OXR1: variants seen among roughly 807,000 people sequenced by gnomAD.
The protein encoded by OXR1 is oxidation resistance protein 1.
Under a neutral mutation model 104.6 loss-of-function variants are expected in OXR1, and 41 were observed. That is an observed-to-expected ratio of 0.39 (90% CI 0.31 to 0.51). The LOEUF is 0.51. Ranked by LOEUF, OXR1 falls within the 20% of genes least tolerant of loss-of-function variation. The pLI is 0.77. For synonymous variants in OXR1, 348 were observed against 348.4 expected, an observed-to-expected ratio of 1.00 and a Z score of 0.01; for missense variants, 955 against 1,031.9, an observed-to-expected ratio of 0.93 and a Z score of 1.02.
intron 2 of OXR1, among the ~76,000 whole-genome samples, chr8:106,414,758 T>G (rs1818603319): frequency 6.6e-6 from 1 of 152,044 alleles, no homozygotes; most frequent in South Asian, 2.1e-4. Flanking sequence ...CTTTGGAAGA[T>G]TGGTAAGAGT....
chr8:106,481,334 A>G (rs1021413149), intron 2 of OXR1, among the ~76,000 whole-genome samples: 10 of 152,164 alleles, frequency 6.6e-5, no homozygotes, highest in Admixed American at 6.6e-4. Flanking sequence ...CTTTTAGAAA[A>G]TCATACTAAA....
intron 3 of OXR1, among the ~76,000 whole-genome samples, chr8:106,538,781 TA>T (rs35542210): frequency 0.17 from 25,140 of 152,160 alleles, 2,162 homozygotes; most frequent in East Asian, 0.24. Context: ...TTGCATGCAG[TA>T]AAACAAAGTT....
chr8:106,607,717 A>G (rs1479682987), intron 3 of OXR1, among the ~76,000 whole-genome samples: 1 of 152,210 alleles, frequency 6.6e-6, no homozygotes, highest in Non-Finnish European at 1.5e-5. Flanking sequence ...TATGCCAGAC[A>G]TTGTGCTTAG....
chr8:106,589,916 C>G (rs1290478217), intron 3 of OXR1, among the ~76,000 whole-genome samples: 1 of 152,180 alleles, frequency 6.6e-6, no homozygotes, highest in Non-Finnish European at 1.5e-5. Flanking sequence ...ACCCGCCCAC[C>G]TCAGCCTCCC....
At chr8:106,473,913 G>A (rs1821656683) in intron 2 of OXR1, among the ~76,000 whole-genome samples, 1 of 147,170 alleles carries the variant, frequency 6.8e-6, no homozygotes, top group South Asian at 2.1e-4. Context: ...CAGAAAGGAT[G>A]TCCAATTTAA....
At chr8:106,395,664 A>C (rs964764698) in intron 2 of OXR1, among the ~76,000 whole-genome samples, 1 of 152,154 alleles carries the variant, frequency 6.6e-6, no homozygotes, top group Non-Finnish European at 1.5e-5. Flanking sequence ...ATAAAAGTAT[A>C]GATATGTGTG....
At chr8:106,580,980 G>T (rs1818181717) in intron 3 of OXR1, 3 of 1,012,824 alleles carry the variant, frequency 3.0e-6, no homozygotes, top group Non-Finnish European at 2.4e-6. Context: ...CCTCATTCTT[G>T]TGGCTACCAC....
intron 1 of OXR1, among the ~76,000 whole-genome samples, chr8:106,306,552 A>G (rs1813472974): frequency 6.6e-6 from 1 of 152,188 alleles, no homozygotes; most frequent in Non-Finnish European, 1.5e-5. Flanking sequence ...AGTTTTACAA[A>G]TTGTGGTATA....
chr8:106,672,900 G>T (rs983915849), intron 3 of OXR1, among the ~76,000 whole-genome samples: 2 of 152,132 alleles, frequency 1.3e-5, no homozygotes, highest in Non-Finnish European at 2.9e-5. Flanking sequence ...TAAATTTCCT[G>T]AGGCCTCTCC....
intron 2 of OXR1, among the ~76,000 whole-genome samples, chr8:106,516,874 T>C (rs144102705): frequency 0.015 from 2,273 of 152,328 alleles, 53 homozygotes; most frequent in African/African-American, 0.051. Context: ...TTACTGTGCC[T>C]AATTTATAAA....
chr8:106,530,878 C>A (rs1337062816), intron 3 of OXR1, among the ~76,000 whole-genome samples: 1 of 151,932 alleles, frequency 6.6e-6, no homozygotes, highest in Non-Finnish European at 1.5e-5. Context: ...GATTTCAGGA[C>A]ACAGAAGATA....
intron 1 of OXR1, among the ~76,000 whole-genome samples, chr8:106,343,511 C>G (rs1470386465): frequency 6.6e-6 from 1 of 152,200 alleles, no homozygotes; most frequent in East Asian, 1.9e-4. Context: ...GCCACTGCAG[C>G]TGTATAATGT....
At chr8:106,699,417 G>A (rs1830390442) in intron 7 of OXR1, among the ~76,000 whole-genome samples, 1 of 152,116 alleles carries the variant, frequency 6.6e-6, no homozygotes, top group Non-Finnish European at 1.5e-5. Flanking sequence ...TCTGCCTGTG[G>A]ACTGGAAACT....
intron 3 of OXR1, among the ~76,000 whole-genome samples, chr8:106,671,179 T>C (rs956154206): frequency 1.4e-5 from 2 of 147,018 alleles, no homozygotes; most frequent in African/African-American, 5.0e-5. Context: ...AAAAATAGTG[T>C]TTCTACCTTC....
intron 3 of OXR1, among the ~76,000 whole-genome samples, chr8:106,521,041 T>G (rs1422618352): frequency 6.6e-6 from 1 of 152,204 alleles, no homozygotes; most frequent in African/African-American, 2.4e-5. Context: ...TCATAATCAA[T>G]GGGAGTGGCA....
At chr8:106,566,747 A>G (rs1817104555) in intron 3 of OXR1, among the ~76,000 whole-genome samples, 1 of 152,214 alleles carries the variant, frequency 6.6e-6, no homozygotes, top group African/African-American at 2.4e-5. Context: ...TAGACTGGAT[A>G]AAGAAAACGT....
rs756671936 is a variant in OXR1, at chr8:106,706,638, G to A, written c.1117G>A (p.Val373Ile). ...TGCGTCATCAGAATCTGTGCAAACT[G>A]TCAATCAGGCTGAAGTAGAAAGTCT... Reference protein sequence around the residue: ...SGASSESVQTVNQAEVESLTV... With the variant: ...SGASSESVQTINQAEVESLTV... Residue 373 changes from valine to isoleucine, a missense_variant, in exon 9 of 17, where the codon GTC (valine) becomes ATC (isoleucine). Transcript: ENST00000517566. The A allele has an allele frequency of 1.2e-6, 2 of 1,613,582 alleles. No homozygotes were observed. The highest frequency in any genetic ancestry group is 1.1e-5 in the South Asian group (1 of 90,904).
intron 14 of OXR1, 27 bp from the exon 15 acceptor site, chr8:106,742,195 C>T (rs763888064): frequency 4.8e-6 from 6 of 1,239,766 alleles, no homozygotes; most frequent in Non-Finnish European, 5.9e-6. Flanking sequence ...TTAGTCGTGT[C>T]ATTGAATATG....
At chr8:106,432,267 A>C (rs1165981172) in intron 2 of OXR1, among the ~76,000 whole-genome samples, 2 of 152,232 alleles carry the variant, frequency 1.3e-5, no homozygotes, top group East Asian at 3.9e-4. Flanking sequence ...TCCTTCAAAA[A>C]CAAACATTGG....
Sources: allele counts gnomAD v4.1 joint callset (sites outside exome capture counted in the v4.1 genomes callset), GRCh38; gene constraint gnomAD v4.1.1; transcripts MANE v1.5; gene names NCBI Gene and HGNC (gene_info 2026-07-23, HGNC 2026-07-21).